CRPPA: variants seen among roughly 807,000 people sequenced by gnomAD.
The protein encoded by CRPPA is CDP-L-ribitol pyrophosphorylase A.
Under a neutral mutation model 52.0 loss-of-function variants are expected in CRPPA, and 43 were observed. The observed-to-expected ratio is 0.83, with a 90% CI of 0.65 to 1.07. The LOEUF is 1.07. Ranked by LOEUF, CRPPA falls within the 50% of genes least tolerant of loss-of-function variation. The pLI is 0.00. For synonymous variants in CRPPA, 250 were observed against 203.5 expected, an observed-to-expected ratio of 1.23 and a Z score of -1.94; for missense variants, 629 against 551.7, an observed-to-expected ratio of 1.14 and a Z score of -1.40.
At chr7:16,346,129 C>T (rs1786008625) in intron 3 of CRPPA, among the ~76,000 whole-genome samples, 1 of 152,080 alleles carries the variant, frequency 6.6e-6, no homozygotes, top group Non-Finnish European at 1.5e-5. Flanking sequence ...AAAATAATTA[C>T]TGAGTGGCTA....
intron 9 of CRPPA, among the ~76,000 whole-genome samples, chr7:16,117,568 C>G (rs948034924): frequency 6.6e-5 from 10 of 152,182 alleles, no homozygotes; most frequent in African/African-American, 2.4e-4. Context: ...CTGCACACAC[C>G]TTGCGGGAGC....
chr7:16,187,870 A>C (rs764171832), intron 9 of CRPPA, among the ~76,000 whole-genome samples: 6 of 152,032 alleles, frequency 3.9e-5, no homozygotes, highest in Non-Finnish European at 8.8e-5. Context: ...GAGTCTAGAG[A>C]TTTGTGTGGT....
At chr7:16,325,372 G>C (rs1785359367) in intron 3 of CRPPA, among the ~76,000 whole-genome samples, 1 of 152,182 alleles carries the variant, frequency 6.6e-6, no homozygotes, top group Admixed American at 6.5e-5. Context: ...AAAAAGCCTA[G>C]AAATAACTCA....
At chr7:16,397,233 T>A (rs1446423633) in intron 2 of CRPPA, among the ~76,000 whole-genome samples, 1 of 152,086 alleles carries the variant, frequency 6.6e-6, no homozygotes, top group Non-Finnish European at 1.5e-5. Flanking sequence ...GATACGAACA[T>A]AACATGTAAC....
At chr7:16,163,836 T>C (rs1780983500) in intron 9 of CRPPA, among the ~76,000 whole-genome samples, 1 of 152,226 alleles carries the variant, frequency 6.6e-6, no homozygotes, top group Non-Finnish European at 1.5e-5. Context: ...GATTGTTGAA[T>C]GTTGACCCCC....
At chr7:16,096,469 AATT>A (rs1176277595) in intron 9 of CRPPA, among the ~76,000 whole-genome samples, 6 of 152,218 alleles carry the variant, frequency 3.9e-5, no homozygotes, top group African/African-American at 1.4e-4. Flanking sequence ...AGAATTTTAC[AATT>A]ATAAAATGCT....
chr7:16,378,546 T>C (rs1270223150), intron 2 of CRPPA, among the ~76,000 whole-genome samples: 4 of 152,050 alleles, frequency 2.6e-5, no homozygotes, highest in African/African-American at 9.7e-5. Context: ...GTATTTGCTA[T>C]TGTGAATAGT....
chr7:16,128,609 TA>T (rs563633913), intron 9 of CRPPA, among the ~76,000 whole-genome samples: 1 of 152,076 alleles, frequency 6.6e-6, no homozygotes, highest in Non-Finnish European at 1.5e-5. Context: ...GGCCAGAATA[TA>T]AAACATGGGA....
At chr7:16,125,915 AC>A (rs1206882943) in intron 9 of CRPPA, among the ~76,000 whole-genome samples, 8 of 151,738 alleles carry the variant, frequency 5.3e-5, no homozygotes, top group African/African-American at 1.7e-4. Context: ...ACACACACAC[AC>A]ACACACACAC....
At chr7:16,216,042 T>TC in intron 9 of CRPPA, 24 bp downstream of exon 9, 1 of 1,549,546 alleles carries the variant, frequency 6.5e-7, no homozygotes, top group South Asian at 1.2e-5. Flanking sequence ...GAACATACAT[T>TC]CGGAAGATAA....
At chr7:16,408,244 G>A (rs1410660451) in intron 1 of CRPPA, among the ~76,000 whole-genome samples, 2 of 152,292 alleles carry the variant, frequency 1.3e-5, no homozygotes, top group South Asian at 2.1e-4. Context: ...AGAAGTCCAC[G>A]TTCAAGACAG....
At chr7:16,243,640 T>C (rs922043703) in intron 8 of CRPPA, among the ~76,000 whole-genome samples, 1 of 152,104 alleles carries the variant, frequency 6.6e-6, no homozygotes, top group Non-Finnish European at 1.5e-5. Context: ...TTTTTAGAAA[T>C]CTAGAAGTAC....
chr7:16,349,351 C>G (rs920299371), intron 3 of CRPPA, among the ~76,000 whole-genome samples: 4 of 152,144 alleles, frequency 2.6e-5, no homozygotes, highest in Non-Finnish European at 5.9e-5. Context: ...TCTGACAAGA[C>G]AGGCAGATGT....
intron 2 of CRPPA, among the ~76,000 whole-genome samples, chr7:16,392,441 T>C (rs961193467): frequency 3.3e-5 from 5 of 152,170 alleles, no homozygotes; most frequent in African/African-American, 1.2e-4. Context: ...CTAGTTCATA[T>C]GATAGACTTA....
intron 3 of CRPPA, among the ~76,000 whole-genome samples, chr7:16,332,199 A>G (rs1235551060): frequency 1.3e-5 from 2 of 152,178 alleles, no homozygotes; most frequent in Non-Finnish European, 2.9e-5. Flanking sequence ...CTAGAATTCT[A>G]TCTTCTGAAA....
intron 9 of CRPPA, among the ~76,000 whole-genome samples, chr7:16,162,771 G>A (rs1199140570): frequency 6.6e-6 from 1 of 152,024 alleles, no homozygotes; most frequent in Admixed American, 6.6e-5. Flanking sequence ...AATATTGACA[G>A]TGGGGTGTTA....
At chr7:16,350,175 G>A (rs956173663) in intron 3 of CRPPA, among the ~76,000 whole-genome samples, 3 of 151,878 alleles carry the variant, frequency 2.0e-5, no homozygotes, top group Non-Finnish European at 4.4e-5. Context: ...AAATGAAGAG[G>A]TAATAAAGAC....
At chr7:16,376,313 C>T in intron 2 of CRPPA, 72 bp from the exon 3 acceptor site, 2 of 1,445,444 alleles carry the variant, frequency 1.4e-6, no homozygotes, top group Non-Finnish European at 1.9e-6. Flanking sequence ...AATTCAGTAT[C>T]TCACTTTTGA....
rs147182946 is a variant in CRPPA at position 16,376,188 on chromosome 7, A to C, written c.588T>G (p.Asp196Glu). The change falls in exon 3 of 10, where the codon GAT becomes GAG. Residue 196 changes from aspartate (D) to glutamate (E), a missense_variant. Transcript: ENST00000407010. ...GTTCTAGCGAGTAGTCTAAGCAACC[A>C]TCAGCAGATGGACTGACGACAGTAG... ...LVSTVVSPSA[D>E]GCLDYSLERA... 1.2e-6 allele frequency: 2 copies of C among 1,613,474 alleles called. No individual in the cohort carries two copies. Among genetic ancestry groups the C allele is most frequent in the East Asian group, 4.5e-5 (2 of 44,858 alleles).
Sources: gnomAD v4.1 joint callset for allele counts (sites outside exome capture counted in the v4.1 genomes callset) on GRCh38, gnomAD v4.1.1 for gene constraint, MANE v1.5 for transcripts, NCBI Gene and HGNC (gene_info 2026-07-23, HGNC 2026-07-21) for gene names.